The following ELP4 variants were observed in gnomAD, a reference collection of about 807,000 sequenced individuals.
ELP4 encodes the protein elongator acetyltransferase complex subunit 4.
In ELP4, 51 loss-of-function variants were observed where a neutral mutation model predicts 48.9. The ratio of observed to expected loss-of-function variants is 1.04; its 90% CI spans 0.83 to 1.32. The LOEUF is 1.32. Among genes scored for constraint, ELP4 ranks in the 40% most tolerant of loss-of-function variants. The probability of loss-of-function intolerance (pLI) is 0.00; values close to 1 mark genes in which losing one functional copy is unlikely to be tolerated. For synonymous variants in ELP4, 210 were observed against 189.2 expected (o/e 1.11, Z -0.90); for missense variants, 519 against 514.6 (o/e 1.01, Z -0.08).
rs1956270502 is a variant in ELP4, at chr11:31,524,686, C to T, written c.259+4595C>T. 2.0e-5 allele frequency among the ~76,000 whole-genome samples: 3 copies of T among 152,284 alleles called. No homozygotes were observed. The South Asian group carries it at 6.2e-4, about 32-fold the overall frequency. On this transcript the variant is annotated intron_variant, in intron 2 of 9. Transcript: ENST00000640961. Reference sequence around the variant, plus strand: ...CAAAAACTAAGCACTCTTAATAGTCCTCACAGAATATTATAGTATTTCTTG... The same window carrying T: ...CAAAAACTAAGCACTCTTAATAGTCTTCACAGAATATTATAGTATTTCTTG...
At chr11:31,622,794 C>T (rs1379531237) in intron 5 of ELP4, among the ~76,000 whole-genome samples, 1 of 151,280 alleles carries the variant, frequency 6.6e-6, no homozygotes, top group Non-Finnish European at 1.5e-5. Flanking sequence ...GTCATTTGGC[C>T]CCTTTTATCC....
In ELP4 at chr11:31,603,896, A is replaced by G. The variant is rs369536289; in HGVS notation, c.642A>G (p.Lys214=). The G allele has an allele frequency of 1.4e-5, 23 of 1,610,982 alleles. No individual in the cohort carries two copies. The highest frequency in any genetic ancestry group is 1.8e-5 in the Non-Finnish European group (21 of 1,178,056). ...CAGAGAAAATATCTTCAACTCTCAAAGTAGAACCCTGGTAAGTTAATGACC... is the reference window on the plus strand; with the variant it reads ...CAGAGAAAATATCTTCAACTCTCAAGGTAGAACCCTGGTAAGTTAATGACC... ...FLPEKISSTL[K]VEPCSLTPGY... Residue 214 remains lysine (K), a synonymous_variant, in exon 5 of 10, where the codon AAA becomes AAG. Transcript: ENST00000640961.
chr11:31,669,464 G>A (rs1472215995), intron 9 of ELP4, among the ~76,000 whole-genome samples: 1 of 152,112 alleles, frequency 6.6e-6, no homozygotes, highest in Non-Finnish European at 1.5e-5. Context: ...CCACTTAGAT[G>A]TCACTTCCTT....
At chr11:31,521,914 C>T (rs1218076540) in intron 2 of ELP4, among the ~76,000 whole-genome samples, 1 of 152,130 alleles carries the variant, frequency 6.6e-6, no homozygotes, top group Admixed American at 6.6e-5. Flanking sequence ...ATTGATTTCC[C>T]TGTTGGCTCT....
intron 9 of ELP4, among the ~76,000 whole-genome samples, chr11:31,713,175 A>G (rs1312879053): frequency 6.6e-6 from 1 of 152,188 alleles, no homozygotes; most frequent in Non-Finnish European, 1.5e-5. Flanking sequence ...TGGTGCATGT[A>G]TTTGAAATAA....
At chr11:31,736,350 G>T (rs993378537) in intron 9 of ELP4, among the ~76,000 whole-genome samples, 4 of 152,008 alleles carry the variant, frequency 2.6e-5, no homozygotes, top group Admixed American at 6.6e-5. Flanking sequence ...GACTTACATG[G>T]TAGACCTAAA....
At chr11:31,675,626 G>C (rs1395064038) in intron 9 of ELP4, among the ~76,000 whole-genome samples, 1 of 152,052 alleles carries the variant, frequency 6.6e-6, no homozygotes, top group African/African-American at 2.4e-5. Context: ...TAGGCACTGT[G>C]GGAAATGCAA....
intron 9 of ELP4, among the ~76,000 whole-genome samples, chr11:31,715,729 T>G (rs970430605): frequency 1.3e-5 from 2 of 152,214 alleles, no homozygotes; most frequent in Non-Finnish European, 2.9e-5. Context: ...CTTGCTCTTT[T>G]ACTGCTTAAT....
chr11:31,756,737 CAA>C (rs1174517447), intron 9 of ELP4, among the ~76,000 whole-genome samples: 2 of 152,028 alleles, frequency 1.3e-5, no homozygotes, highest in Non-Finnish European at 2.9e-5. Context: ...AAGTATTAAG[CAA>C]AAAAAGTTTT....
At chr11:31,682,799 G>T (rs1450150401) in intron 9 of ELP4, among the ~76,000 whole-genome samples, 1 of 152,178 alleles carries the variant, frequency 6.6e-6, no homozygotes, top group Non-Finnish European at 1.5e-5. Flanking sequence ...TGAGGCAGTT[G>T]TTCAGGGAAA....
chr11:31,677,130 A>G (rs1404926923), intron 9 of ELP4, among the ~76,000 whole-genome samples: 1 of 152,248 alleles, frequency 6.6e-6, no homozygotes, highest in Non-Finnish European at 1.5e-5. Context: ...TGATGAGAAC[A>G]AAGTCCGACT....
chr11:31,766,287 T>C (rs1202443308), intron 9 of ELP4, among the ~76,000 whole-genome samples: 1 of 152,116 alleles, frequency 6.6e-6, no homozygotes, highest in Admixed American at 6.5e-5. Context: ...ATTTTTCTGA[T>C]AAAGTAATAG....
intron 9 of ELP4, among the ~76,000 whole-genome samples, chr11:31,683,955 T>G (rs536585873): frequency 3.5e-4 from 53 of 152,284 alleles, no homozygotes; most frequent in African/African-American, 1.1e-3. Context: ...AACATGGTTT[T>G]GGTTATTACA....
chr11:31,564,377 T>C (rs1013308902), intron 3 of ELP4, among the ~76,000 whole-genome samples: 18 of 150,966 alleles, frequency 1.2e-4, no homozygotes, highest in South Asian at 4.2e-4. Flanking sequence ...AGATTCATTT[T>C]CTTTTTTTTT....
At chr11:31,763,890 A>C (rs1245044267) in intron 9 of ELP4, among the ~76,000 whole-genome samples, 1 of 151,894 alleles carries the variant, frequency 6.6e-6, no homozygotes, top group Non-Finnish European at 1.5e-5. Flanking sequence ...ATGGGGCTTC[A>C]TTTATTTTTT....
At chr11:31,736,271 A>G (rs1243992719) in intron 9 of ELP4, among the ~76,000 whole-genome samples, 1 of 152,232 alleles carries the variant, frequency 6.6e-6, no homozygotes, top group Non-Finnish European at 1.5e-5. Context: ...CTTGCTAGCC[A>G]TATGTAGAAA....
rs991433635 is a variant in ELP4, at chr11:31,787,687, T to C, written c.*4163T>C. ...CAGGCTGACACTGAACAAAACTACA[T>C]GCACACATACAAAAACTGCAACTTA... is the stretch of plus-strand genomic sequence containing the variant. On this transcript the variant is annotated 3_prime_UTR_variant, in exon 10 of 10. Coordinates refer to ENST00000640961, the MANE Select transcript of ELP4 (RefSeq NM_019040.5). 1.7e-5 allele frequency: 4 copies of C among 230,780 alleles called. No homozygotes were observed. Among genetic ancestry groups the C allele is most frequent in the African/African-American group, 8.8e-5 (4 of 45,214 alleles). The allele number at this position is 230,780 out of a possible 1,614,324, so 14.3% of individuals were successfully genotyped here.
chr11:31,772,005 C>T (rs1456780357), intron 9 of ELP4, among the ~76,000 whole-genome samples: 2 of 151,912 alleles, frequency 1.3e-5, no homozygotes, highest in African/African-American at 4.8e-5. Flanking sequence ...TAGGTCTTAG[C>T]TCAAATATAC....
Position 31,784,075 on chromosome 11 carries a change from T to C in ELP4, c.*551T>C, listed in dbSNP as rs1250604404. 1 of 152,216 alleles carries C rather than the reference T, an allele frequency of 6.6e-6. No individual in the cohort carries two copies. Among genetic ancestry groups the C allele is most frequent in the African/African-American group, 2.4e-5 (1 of 41,458 alleles). The allele number at this position is 152,216 out of a possible 1,614,324, so 9.4% of individuals were successfully genotyped here. On this transcript the variant is annotated 3_prime_UTR_variant, in exon 10 of 10. Transcript: ENST00000640961. ...ACTAGAGATAATTAGTCTACCATAGTAGTTATTAAATATAAAGAACTTCAG... is the reference window on the plus strand; with the variant it reads ...ACTAGAGATAATTAGTCTACCATAGCAGTTATTAAATATAAAGAACTTCAG...
Sources: gnomAD v4.1 joint callset for allele counts (sites outside exome capture counted in the v4.1 genomes callset) on GRCh38, gnomAD v4.1.1 for gene constraint, MANE v1.5 for transcripts, NCBI Gene and HGNC (gene_info 2026-07-23, HGNC 2026-07-21) for gene names.